Variants in ANKFN1 observed in about 807,000 individuals in gnomAD.
ANKFN1 encodes the protein ankyrin repeat and fibronectin type III domain containing 1.
A neutral mutation model predicts 108.7 loss-of-function variants in ANKFN1; 74 were observed. The observed-to-expected ratio is 0.68, with a 90% CI of 0.56 to 0.83. The LOEUF (loss-of-function observed/expected upper bound fraction) is 0.83, where lower values mean the gene tolerates loss of function less well. Among genes scored for constraint, ANKFN1 ranks in the 40% least tolerant of loss-of-function variants. The pLI is 0.00. For synonymous variants in ANKFN1, 547 were observed against 516.2 expected (o/e 1.06, Z -0.81); for missense variants, 1,505 against 1,382.3 (o/e 1.09, Z -1.41).
At chr17:56,307,742 G>A (rs12601902) in intron 3 of ANKFN1, among the ~76,000 whole-genome samples, 16,529 of 152,128 alleles carry the variant, frequency 0.11, 941 homozygotes, top group African/African-American at 0.16. Flanking sequence ...ATACCCAAAG[G>A]ATTATGAATC....
intron 3 of ANKFN1, among the ~76,000 whole-genome samples, chr17:56,254,531 T>C (rs1474413153): frequency 2.0e-5 from 3 of 152,236 alleles, no homozygotes; most frequent in African/African-American, 7.2e-5. Context: ...TAGCTCCATA[T>C]CTGCTTTCCT....
chr17:56,364,596 T>G lies in ANKFN1; in HGVS notation c.602-8050T>G, dbSNP rs75489175. ...AATTTCCTTTGAATTTTCTAAATAA[T>G]CCACTCAAGTGGCTTGCATGTTGTG... is the stretch of plus-strand genomic sequence containing the variant. On this transcript the variant is annotated intron_variant, in intron 6 of 20. Transcript: ENST00000682825. Among the ~76,000 whole-genome samples, 976 of 152,376 alleles carry G rather than the reference T, an allele frequency of 6.4e-3. 6 individuals are homozygous for G. Among genetic ancestry groups the G allele is most frequent in the Non-Finnish European group, 0.012 (823 of 68,026 alleles).
intron 4 of ANKFN1, among the ~76,000 whole-genome samples, chr17:56,127,282 G>A (rs1290776040): frequency 6.6e-6 from 1 of 152,142 alleles, no homozygotes; most frequent in East Asian, 1.9e-4. Flanking sequence ...AGGTCTGTCT[G>A]ATTGATTCCA....
At chr17:56,467,132 A>G (rs910294019) in intron 15 of ANKFN1, among the ~76,000 whole-genome samples, 3 of 152,088 alleles carry the variant, frequency 2.0e-5, no homozygotes, top group African/African-American at 7.2e-5. Context: ...AAAAGAAAAC[A>G]AACATTGAGA....
At chr17:56,423,176 A>G (rs1403611517) in intron 8 of ANKFN1, among the ~76,000 whole-genome samples, 1 of 152,232 alleles carries the variant, frequency 6.6e-6, no homozygotes, top group Non-Finnish European at 1.5e-5. Flanking sequence ...TTGATAGTGA[A>G]TGAGCTGAGC....
intron 1 of ANKFN1, among the ~76,000 whole-genome samples, chr17:56,187,278 T>C (rs1469078331): frequency 2.0e-5 from 3 of 152,226 alleles, no homozygotes; most frequent in African/African-American, 4.8e-5. Flanking sequence ...GGGCAAAGGA[T>C]ATGAACAGAC....
chr17:56,474,532 G>A (rs766868182), intron 15 of ANKFN1, among the ~76,000 whole-genome samples: 9 of 151,968 alleles, frequency 5.9e-5, no homozygotes, highest in African/African-American at 2.2e-4. Flanking sequence ...TACTAGGGTC[G>A]TTCCGTGTTT....
rs564179090 is a variant in ANKFN1, at chr17:56,271,588, C to G, written c.53+43631C>G. ...ATTTCTGTCTTGGATAAGGTAGTAT[C>G]GATGCATTGCTCTCAAGTATTTGGC... On this transcript the variant is annotated intron_variant, in intron 3 of 20. Coordinates refer to ENST00000682825, the MANE Select transcript of ANKFN1 (RefSeq NM_001370326.1). Among the ~76,000 whole-genome samples the G allele has an allele frequency of 1.6e-4, 24 of 152,260 alleles. No homozygotes were observed. The South Asian group carries it at 4.6e-3, about 29-fold the overall frequency.
intron 4 of ANKFN1, among the ~76,000 whole-genome samples, chr17:56,113,214 C>T (rs930105594): frequency 5.3e-5 from 8 of 152,118 alleles, no homozygotes; most frequent in African/African-American, 4.8e-5. Context: ...TGCTGATTTC[C>T]GCTGCTTTTC....
At chr17:56,315,399 A>G (rs1333973502) in intron 3 of ANKFN1, among the ~76,000 whole-genome samples, 1 of 152,236 alleles carries the variant, frequency 6.6e-6, no homozygotes, top group Non-Finnish European at 1.5e-5. Flanking sequence ...ACTGAGTTTG[A>G]GCATCTGACA....
At chr17:56,190,574 G>A (rs1350994745) in intron 1 of ANKFN1, among the ~76,000 whole-genome samples, 4 of 127,158 alleles carry the variant, frequency 3.1e-5, no homozygotes, top group South Asian at 3.2e-4. Flanking sequence ...TGTGGTCTGA[G>A]AGATAGTTTG....
intron 1 of ANKFN1, among the ~76,000 whole-genome samples, chr17:56,178,182 G>A (rs1267523929): frequency 6.6e-6 from 1 of 152,126 alleles, no homozygotes; most frequent in Non-Finnish European, 1.5e-5. Context: ...GGTGAACTGG[G>A]CCTGGATTAA....
At chr17:56,101,405 C>T (rs962359782) in intron 4 of ANKFN1, among the ~76,000 whole-genome samples, 13 of 152,220 alleles carry the variant, frequency 8.5e-5, no homozygotes, top group Non-Finnish European at 7.3e-5. Flanking sequence ...TTAACCTACA[C>T]TTTAACCAAT....
chr17:56,287,464 A>G (rs1310952445), intron 3 of ANKFN1, among the ~76,000 whole-genome samples: 1 of 152,214 alleles, frequency 6.6e-6, no homozygotes, highest in Non-Finnish European at 1.5e-5. Flanking sequence ...CGTGAAGTGC[A>G]TAGGACATTG....
At chr17:56,415,914 C>T (rs554618439) in intron 8 of ANKFN1, among the ~76,000 whole-genome samples, 27 of 152,090 alleles carry the variant, frequency 1.8e-4, no homozygotes, top group African/African-American at 6.3e-4. Context: ...AATCGATACA[C>T]CTACAGTAAG....
intron 3 of ANKFN1, among the ~76,000 whole-genome samples, chr17:56,312,728 ATGC>A: frequency 6.6e-6 from 1 of 152,344 alleles, no homozygotes; most frequent in South Asian, 2.1e-4. Flanking sequence ...GCTAGGCACT[ATGC>A]TAAACCTTGG....
chr17:56,430,297 T>C (rs527389252), intron 8 of ANKFN1, among the ~76,000 whole-genome samples: 2 of 152,198 alleles, frequency 1.3e-5, no homozygotes, highest in Non-Finnish European at 2.9e-5. Context: ...TTCTCCTATA[T>C]GTGGAATCTT....
At chr17:56,256,414 C>T (rs2043358187) in intron 3 of ANKFN1, among the ~76,000 whole-genome samples, 1 of 152,140 alleles carries the variant, frequency 6.6e-6, no homozygotes. Flanking sequence ...TAAAAGGAGG[C>T]TCCAGTGTGC....
Position 56,133,804 on chromosome 17 carries a change from C to T in ANKFN1, c.288+87479C>T, listed in dbSNP as rs183882560. 9.9e-5 allele frequency among the ~76,000 whole-genome samples: 15 copies of T among 151,556 alleles called. No homozygotes were observed. The East Asian group carries it at 2.9e-3, about 29-fold the overall frequency. On this transcript the variant is annotated intron_variant, in intron 4 of 12. Transcript: ENST00000635860. ...CCAAAGTGTTTTTTTTTTCCACTCT[C>T]ACACACCACTCAACATAATACTTCT...
Sources: gnomAD v4.1 joint callset for allele counts (sites outside exome capture counted in the v4.1 genomes callset) on GRCh38, gnomAD v4.1.1 for gene constraint, MANE v1.5 for transcripts, NCBI Gene and HGNC (gene_info 2026-07-23, HGNC 2026-07-21) for gene names.